Variants in EPM2A observed in about 807,000 individuals in gnomAD.
EPM2A encodes the protein laforin.
In EPM2A, 21 loss-of-function variants were observed where a neutral mutation model predicts 26.5. That is an observed-to-expected ratio of 0.79 (90% CI 0.56 to 1.14). The LOEUF (loss-of-function observed/expected upper bound fraction) is 1.14, where lower values mean the gene tolerates loss of function less well. Among genes scored for constraint, EPM2A ranks in the 50% most tolerant of loss-of-function variants. EPM2A has a pLI of 0.00. For synonymous variants in EPM2A, 217 were observed against 177.6 expected, an observed-to-expected ratio of 1.22 and a Z score of -1.76; for missense variants, 458 against 440.8, an observed-to-expected ratio of 1.04 and a Z score of -0.35.
At chr6:145,404,359 A>AT (rs1262694798) in intron 4 of EPM2A, among the ~76,000 whole-genome samples, 3 of 151,226 alleles carry the variant, frequency 2.0e-5, no homozygotes, top group Admixed American at 6.6e-5. Flanking sequence ...TTATTTTTAT[A>AT]TTTTTCTTAT....
At chr6:145,720,148 A>T (rs998465639) in intron 1 of EPM2A, among the ~76,000 whole-genome samples, 1 of 152,192 alleles carries the variant, frequency 6.6e-6, no homozygotes, top group Non-Finnish European at 1.5e-5. Flanking sequence ...TTATCAAGCT[A>T]AAATTTCAGA....
intron 4 of EPM2A, among the ~76,000 whole-genome samples, chr6:145,466,914 A>C (rs961393576): frequency 1.3e-5 from 2 of 152,120 alleles, no homozygotes; most frequent in Admixed American, 1.3e-4. Context: ...AACACCACAC[A>C]TTCTCACTCA....
At chr6:145,622,822 T>A (rs1775665382), downstream of EPM2A, among the ~76,000 whole-genome samples, 1 of 152,204 alleles carries the variant, frequency 6.6e-6, no homozygotes, top group East Asian at 1.9e-4. Flanking sequence ...TTAAGCCTCC[T>A]AGTCTGTGGT....
At chr6:145,697,783 T>C (rs920664077) in intron 1 of EPM2A, among the ~76,000 whole-genome samples, 1 of 152,192 alleles carries the variant, frequency 6.6e-6, no homozygotes, top group African/African-American at 2.4e-5. Flanking sequence ...ATCTCTCTTG[T>C]TCCCTGAACA....
intron 4 of EPM2A, among the ~76,000 whole-genome samples, chr6:145,389,493 A>C (rs1435731622): frequency 6.6e-6 from 1 of 152,124 alleles, no homozygotes; most frequent in Non-Finnish European, 1.5e-5. Flanking sequence ...CGCCTGGCCC[A>C]TTCATCACCT....
chr6:145,619,709 A>G (rs1196110652), intron 2 of EPM2A, among the ~76,000 whole-genome samples: 2 of 152,178 alleles, frequency 1.3e-5, no homozygotes, highest in Non-Finnish European at 2.9e-5. Flanking sequence ...CCTTCCTCAC[A>G]ATTAAAAAAA....
chr6:145,578,091 CA>C (rs1367425980), intron 2 of EPM2A, among the ~76,000 whole-genome samples: 2 of 151,558 alleles, frequency 1.3e-5, no homozygotes, highest in African/African-American at 4.8e-5. Flanking sequence ...ATGTCAACAT[CA>C]AAAAAGTAGA....
chr6:145,693,634 T>C (rs536594490), intron 1 of EPM2A, among the ~76,000 whole-genome samples: 2 of 152,056 alleles, frequency 1.3e-5, no homozygotes, highest in East Asian at 1.9e-4. Flanking sequence ...CTGTGCAATA[T>C]GTCCATGTAA....
intron 2 of EPM2A, among the ~76,000 whole-genome samples, chr6:145,643,990 T>C (rs2128571295): frequency 6.6e-6 from 1 of 152,340 alleles, no homozygotes. Context: ...CCTGAGAGTC[T>C]GCATGTTCAC....
intron 2 of EPM2A, among the ~76,000 whole-genome samples, chr6:145,646,291 G>A (rs957463341): frequency 2.0e-5 from 3 of 151,750 alleles, no homozygotes; most frequent in African/African-American, 7.3e-5. Flanking sequence ...GGAGTAGCTG[G>A]GATTACAGGC....
chr6:145,474,676 A>G (rs1417229569), intron 4 of EPM2A, among the ~76,000 whole-genome samples: 3 of 152,198 alleles, frequency 2.0e-5, no homozygotes, highest in Non-Finnish European at 4.4e-5. Flanking sequence ...ATCAGATTGA[A>G]CAGGCAACCT....
At chr6:145,601,738 A>T (rs1391283295) in intron 2 of EPM2A, among the ~76,000 whole-genome samples, 1 of 152,190 alleles carries the variant, frequency 6.6e-6, no homozygotes, top group Non-Finnish European at 1.5e-5. Context: ...CAAAGTAGAA[A>T]CTGAAACTTT....
chr6:145,630,813 C>T (rs1370416670), intron 3 of EPM2A: 4 of 152,236 alleles, frequency 2.6e-5, no homozygotes, highest in Admixed American at 2.6e-4. Context: ...CCATTTACAA[C>T]CACCTCTTAA....
At chr6:145,711,347 G>A (rs573739585) in intron 1 of EPM2A, among the ~76,000 whole-genome samples, 5 of 152,284 alleles carry the variant, frequency 3.3e-5, no homozygotes, top group African/African-American at 7.2e-5. Flanking sequence ...AAAGTTCTAC[G>A]TTTCCACACA....
At chr6:145,699,479 A>T (rs771335732) in intron 1 of EPM2A, among the ~76,000 whole-genome samples, 4 of 152,176 alleles carry the variant, frequency 2.6e-5, no homozygotes, top group African/African-American at 9.7e-5. Flanking sequence ...TATGTTGGAG[A>T]AGGTAATATC....
intron 2 of EPM2A, among the ~76,000 whole-genome samples, chr6:145,546,305 T>C (rs1294738847): frequency 6.6e-6 from 1 of 152,112 alleles, no homozygotes; most frequent in African/African-American, 2.4e-5. Context: ...TGGAAGAAGA[T>C]AGGTAACCCA....
At chr6:145,538,335 A>C (rs1780462714) in intron 2 of EPM2A, among the ~76,000 whole-genome samples, 1 of 152,220 alleles carries the variant, frequency 6.6e-6, no homozygotes, top group African/African-American at 2.4e-5. Context: ...GGAAATAAGA[A>C]GAACTTGGAA....
chr6:145,729,687 G>T (rs917589749), intron 1 of EPM2A, among the ~76,000 whole-genome samples: 3 of 152,184 alleles, frequency 2.0e-5, no homozygotes, highest in Non-Finnish European at 4.4e-5. Flanking sequence ...AGCCAAAAGG[G>T]ACTTGCCTTG....
chr6:145,443,817 C>A (rs1477486393), intron 4 of EPM2A, among the ~76,000 whole-genome samples: 3 of 152,076 alleles, frequency 2.0e-5, no homozygotes, highest in Non-Finnish European at 4.4e-5. Context: ...CTCGTGATAG[C>A]AAATGGGTTT....
Sources: gnomAD v4.1 joint callset for allele counts (sites outside exome capture counted in the v4.1 genomes callset) on GRCh38, gnomAD v4.1.1 for gene constraint, MANE v1.5 for transcripts, NCBI Gene and HGNC (gene_info 2026-07-23, HGNC 2026-07-21) for gene names.